ZNF143: variants seen among roughly 807,000 people sequenced by gnomAD.
The protein encoded by ZNF143 is zinc finger protein 143, also known as SPH-binding factor.
ZNF143 carries 49 observed loss-of-function variants against 74.1 expected under a neutral mutation model. The observed-to-expected ratio is 0.66, with a 90% CI of 0.53 to 0.84. ZNF143 has a LOEUF of 0.84. Among genes scored for constraint, ZNF143 ranks in the 40% least tolerant of loss-of-function variants. The probability of loss-of-function intolerance (pLI) is 0.00; values close to 1 mark genes in which losing one functional copy is unlikely to be tolerated. For missense variants in ZNF143, 637 were observed against 793.4 expected (o/e 0.80, Z 2.37); for synonymous variants, 304 against 282.8 (o/e 1.07, Z -0.75).
chr11:9,524,061 A>AG (rs1218962935), intron 14 of ZNF143, among the ~76,000 whole-genome samples: 1 of 151,732 alleles, frequency 6.6e-6, no homozygotes, highest in African/African-American at 2.4e-5. Flanking sequence ...AAAAAAAAAA[A>AG]AAAAGGATTT....
intron 10 of ZNF143, among the ~76,000 whole-genome samples, chr11:9,499,994 G>A (rs549811095): frequency 1.3e-5 from 2 of 152,282 alleles, no homozygotes; most frequent in South Asian, 4.1e-4. Flanking sequence ...CCAGGCTGGT[G>A]TGCAGTGGCA....
chr11:9,469,246 C>T (rs1856431328), intron 1 of ZNF143, among the ~76,000 whole-genome samples: 1 of 148,434 alleles, frequency 6.7e-6, no homozygotes, highest in Non-Finnish European at 1.5e-5. Flanking sequence ...TTTACCACCC[C>T]CCCATACGGA....
At chr11:9,526,398 A>G (rs1024181450) in intron 15 of ZNF143, among the ~76,000 whole-genome samples, 1 of 152,268 alleles carries the variant, frequency 6.6e-6, no homozygotes, top group Admixed American at 6.5e-5. Context: ...CCTAGGGGCT[A>G]GGTGCAGATT....
At chr11:9,474,382 A>C (rs750297579) in intron 4 of ZNF143, among the ~76,000 whole-genome samples, 168 bp from the exon 5 acceptor site, 17 of 152,200 alleles carry the variant, frequency 1.1e-4, no homozygotes, top group Admixed American at 6.5e-5. Context: ...TTTTACCTTT[A>C]AACACTGACG....
intron 7 of ZNF143, among the ~76,000 whole-genome samples, chr11:9,481,550 G>C (rs1333357044): frequency 6.6e-6 from 1 of 151,976 alleles, no homozygotes; most frequent in Admixed American, 6.6e-5. Context: ...CTGTCTTATT[G>C]GTAACTGACA....
intron 11 of ZNF143, among the ~76,000 whole-genome samples, chr11:9,503,681 C>T (rs747621014): frequency 1.3e-5 from 2 of 148,330 alleles, no homozygotes; most frequent in African/African-American, 2.5e-5. Context: ...CGCTCTGTCT[C>T]GCCCAGGCTG....
At chr11:9,471,703 C>T (rs931671374) in intron 2 of ZNF143, among the ~76,000 whole-genome samples, 7 of 151,894 alleles carry the variant, frequency 4.6e-5, no homozygotes. Flanking sequence ...CAGGCATGTG[C>T]CACCACGTCC....
In ZNF143 at chr11:9,478,451, C is replaced by G; in HGVS notation, c.435C>G (p.Ile145Met). ...TGGAAGATGGTACCACAGCTTATATCCACCATGCAGTGCAAGTCCCGCAGT... is the reference window on the plus strand; with the variant it reads ...TGGAAGATGGTACCACAGCTTATATGCACCATGCAGTGCAAGTCCCGCAGT... ...VQLEDGTTAY[I>M]HHAVQVPQSD... Residue 145 changes from isoleucine (I) to methionine (M), a missense_variant, in exon 6 of 16, where the codon ATC becomes ATG. Ile to Met is a conservative substitution (Grantham distance 10). Around this residue, in one of 2 missense-constraint regions of ZNF143, gnomAD observed 293 missense variants for 307.8 expected, o/e 0.95. Coordinates refer to ENST00000396602, the MANE Select transcript of ZNF143 (RefSeq NM_003442.6). 6.2e-7 allele frequency: 1 copy of G among 1,614,150 alleles called. No homozygotes were observed. Among genetic ancestry groups the G allele is most frequent in the Non-Finnish European group, 8.5e-7 (1 of 1,180,032 alleles).
chr11:9,465,367 A>G (rs1016665570), intron 1 of ZNF143, among the ~76,000 whole-genome samples: 1 of 150,468 alleles, frequency 6.6e-6, no homozygotes, highest in Non-Finnish European at 1.5e-5. Flanking sequence ...TTTTATTTTT[A>G]GTAGAGACGG....
chr11:9,478,457 T>C lies in ZNF143; in HGVS notation c.441T>C (p.His147=). 2 of 1,614,178 alleles carry C rather than the reference T, an allele frequency of 1.2e-6. No homozygotes were observed. The highest frequency in any genetic ancestry group is 2.2e-5 in the South Asian group (2 of 91,088). ...ATGGTACCACAGCTTATATCCACCA[T>C]GCAGTGCAAGTCCCGCAGTCTGACA... ...LEDGTTAYIH[H]AVQVPQSDTI... is the part of the protein sequence containing the mutation. Residue 147 remains histidine (H), a synonymous_variant, in exon 6 of 16, where the codon CAT becomes CAC. Transcript: ENST00000396602.
At chr11:9,524,010 T>C (rs886852814) in intron 14 of ZNF143, among the ~76,000 whole-genome samples, 1 of 146,544 alleles carries the variant, frequency 6.8e-6, no homozygotes, top group Non-Finnish European at 1.5e-5. Context: ...ATCAAGCCAT[T>C]GCATTCCAGC....
chr11:9,486,387 A>AAT (rs1449341027), intron 7 of ZNF143, among the ~76,000 whole-genome samples: 7 of 18,000 alleles, frequency 3.9e-4, no homozygotes, highest in South Asian at 2.2e-3. Flanking sequence ...TTATATATAT[A>AAT]ATATATATAA....
At chr11:9,498,025 T>C (rs551606179) in intron 10 of ZNF143, among the ~76,000 whole-genome samples, 1 of 152,194 alleles carries the variant, frequency 6.6e-6, no homozygotes, top group African/African-American at 2.4e-5. Flanking sequence ...AGAGACGGGG[T>C]TTCACTGTGT....
intron 15 of ZNF143, among the ~76,000 whole-genome samples, chr11:9,525,691 G>A (rs562582592): frequency 6.6e-6 from 1 of 152,134 alleles, no homozygotes; most frequent in Admixed American, 6.6e-5. Context: ...TTAGGCAGGG[G>A]TCTGTAAAGC....
chr11:9,525,201 T>C (rs753128739), intron 14 of ZNF143, 39 bp from the exon 15 acceptor site: 9 of 1,612,502 alleles, frequency 5.6e-6, no homozygotes, highest in Non-Finnish European at 7.6e-6. Context: ...ATCGCAGGTT[T>C]AATTCTTTAT....
chr11:9,524,131 ATTC>A (rs1014990717), intron 14 of ZNF143, among the ~76,000 whole-genome samples: 8 of 150,834 alleles, frequency 5.3e-5, no homozygotes, highest in Non-Finnish European at 1.0e-4. Flanking sequence ...TTTCTGGGCT[ATTC>A]TTCTCTGTAC....
At chr11:9,503,174 A>C (rs1454227607) in intron 11 of ZNF143, among the ~76,000 whole-genome samples, 1 of 152,132 alleles carries the variant, frequency 6.6e-6, no homozygotes, top group Non-Finnish European at 1.5e-5. Flanking sequence ...GCAACTTTTA[A>C]ATTCTTTCTT....
chr11:9,471,488 A>T (rs928732059), intron 2 of ZNF143, 68 bp downstream of exon 2: 6 of 1,151,004 alleles, frequency 5.2e-6, no homozygotes, highest in African/African-American at 1.6e-5. Context: ...AAAATTTACA[A>T]CTTCCTAGTT....
intron 7 of ZNF143, among the ~76,000 whole-genome samples, chr11:9,486,421 T>TATA (rs1847529697): frequency 1.1e-4 from 2 of 18,552 alleles, no homozygotes; most frequent in Non-Finnish European, 2.8e-4. Context: ...TAATATATAT[T>TATA]ATATATATTA....
Sources: allele counts gnomAD v4.1 joint callset (sites outside exome capture counted in the v4.1 genomes callset), GRCh38; gene constraint gnomAD v4.1.1; regional missense constraint gnomAD v4.1.1; transcripts MANE v1.5; gene names NCBI Gene and HGNC (gene_info 2026-07-23, HGNC 2026-07-21).